KIAA1614: variants seen among roughly 807,000 people sequenced by gnomAD.
KIAA1614 encodes uncharacterized protein KIAA1614.
In KIAA1614, 76 loss-of-function variants were observed where a neutral mutation model predicts 88.7. The observed-to-expected ratio is 0.86, with a 90% CI of 0.71 to 1.04. KIAA1614 has a LOEUF of 1.04. KIAA1614 is among the 50% of genes least tolerant of loss of function. The pLI is 0.00. For missense variants in KIAA1614, 1,553 were observed against 1,582.5 expected, an observed-to-expected ratio of 0.98 and a Z score of 0.32; for synonymous variants, 714 against 675.5, an observed-to-expected ratio of 1.06 and a Z score of -0.88.
intron 1 of KIAA1614, 36 bp from the exon 2 acceptor site, chr1:180,916,118 C>T: frequency 1.3e-6 from 2 of 1,500,160 alleles, no homozygotes; most frequent in Non-Finnish European, 1.8e-6. Flanking sequence ...TAGTCCTGTG[C>T]TGGGTCTTAG....
In KIAA1614 at chr1:180,935,706, C is replaced by T. The variant is rs766197445; in HGVS notation, c.1797C>T (p.Ile599=). ...TGGAATGGATCCGGGAAACACACAT[C>T]GGAGACACCGTGTGCCCTGCGGAGG... ...LHMEWIRETH[I]GDTVCPAEVD... The change falls in exon 5 of 9, where the codon ATC becomes ATT. Residue 599 remains isoleucine (I), a synonymous_variant. Coordinates refer to ENST00000367588, the MANE Select transcript of KIAA1614 (RefSeq NM_020950.2). The surrounding 1 kb of genome is among the most constrained non-coding windows in gnomAD (Gnocchi z 6.1). 1.1e-5 allele frequency: 18 copies of T among 1,613,588 alleles called. 2 individuals carry two copies. In the South Asian group the frequency reaches 1.4e-4, roughly 13 times the overall value.
Position 180,941,189 on chromosome 1 carries a change from G to A in KIAA1614, c.3063G>A (p.Leu1021=), listed in dbSNP as rs1435249575. 1 of 1,613,720 alleles carries A rather than the reference G, an allele frequency of 6.2e-7. No individual in the cohort carries two copies. The highest frequency in any genetic ancestry group is 1.7e-5 in the Admixed American group (1 of 59,990). ...TGGGCCAGAGTTCCCGGCCCAAGCTGGGCAAGTCCCGCAGCTACAGTGTGG... is the reference window on the plus strand; with the variant it reads ...TGGGCCAGAGTTCCCGGCCCAAGCTAGGCAAGTCCCGCAGCTACAGTGTGG... ...SALGQSSRPK[L]GKSRSYSVEQ... The change falls in exon 7 of 9, where the codon CTG becomes CTA. Residue 1021 remains leucine, a synonymous_variant. Coordinates refer to ENST00000367588, the MANE Select transcript of KIAA1614 (RefSeq NM_020950.2).
At chr1:180,922,451 C>G (rs1275011429) in intron 3 of KIAA1614, among the ~76,000 whole-genome samples, 4 of 152,038 alleles carry the variant, frequency 2.6e-5, no homozygotes, top group African/African-American at 9.7e-5. Context: ...GAGGGCGGGT[C>G]CCGATCTTCA....
chr1:180,936,523 C>G lies in KIAA1614; in HGVS notation c.2614C>G (p.Pro872Ala), dbSNP rs369784342. 7 of 1,614,070 alleles carry G rather than the reference C, an allele frequency of 4.3e-6. No homozygotes were observed. The African/African-American group carries it at 8.0e-5, about 18-fold the overall frequency. The change falls in exon 5 of 9, where the codon CCA becomes GCA. Residue 872 changes from proline (P) to alanine (A), a missense_variant. Transcript: ENST00000367588. ...GCCCAGCCGCCCTCAGGTCAGGCAC[C>G]CACTGCTGGCCCTGTCCACCAACAA... ...TQPSRPQVRH[P>A]LLALSTNNCN...
chr1:180,931,037 C>T (rs1223690900), intron 4 of KIAA1614, among the ~76,000 whole-genome samples: 1 of 152,230 alleles, frequency 6.6e-6, no homozygotes, highest in Admixed American at 6.5e-5. Context: ...CTCAGAGGGC[C>T]TTCTTTATCC....
chr1:180,914,843 A>G (rs1291897432), intron 1 of KIAA1614, among the ~76,000 whole-genome samples: 1 of 152,152 alleles, frequency 6.6e-6, no homozygotes, highest in Non-Finnish European at 1.5e-5. Context: ...AGTTCAAGCA[A>G]TTACCTTGCC....
At chr1:180,921,313 T>A (rs1653948624) in intron 3 of KIAA1614, among the ~76,000 whole-genome samples, 1 of 152,324 alleles carries the variant, frequency 6.6e-6, no homozygotes, top group Non-Finnish European at 1.5e-5. Context: ...CCGGCCATTT[T>A]CACTTCTTTT....
At chr1:180,918,644 G>A (rs952536235) in intron 3 of KIAA1614, among the ~76,000 whole-genome samples, 3 of 152,172 alleles carry the variant, frequency 2.0e-5, no homozygotes, top group Non-Finnish European at 4.4e-5. Flanking sequence ...AGGTCCTGGA[G>A]CTCTCGTTTC....
In KIAA1614 at chr1:180,945,749, G is replaced by A. The variant is rs1654577359; in HGVS notation, c.*161G>A. The A allele has an allele frequency of 1.5e-6, 2 of 1,374,030 alleles. No individual in the cohort carries two copies. Among genetic ancestry groups the A allele is most frequent in the South Asian group, 1.8e-5 (1 of 54,506 alleles). The allele number at this position is 1,374,030 out of a possible 1,614,324, so 85.1% of individuals were successfully genotyped here. ...AGAGTGCGTTGGTGGGGAGTGTGCGGGAGGGGGTAGAGTTGGCAGGTTTGA... is the reference window on the plus strand; with the variant it reads ...AGAGTGCGTTGGTGGGGAGTGTGCGAGAGGGGGTAGAGTTGGCAGGTTTGA... On this transcript the variant is annotated 3_prime_UTR_variant, in exon 9 of 9. Coordinates refer to ENST00000367588, the MANE Select transcript of KIAA1614 (RefSeq NM_020950.2).
At chr1:180,919,450 T>G (rs529636756) in intron 3 of KIAA1614, among the ~76,000 whole-genome samples, 1 of 152,338 alleles carries the variant, frequency 6.6e-6, no homozygotes, top group East Asian at 1.9e-4. Context: ...TCTGCTCCCC[T>G]GTCTGCGCCC....
At position 180,935,955 on chromosome 1, in the gene KIAA1614, T is replaced by G; in HGVS notation, c.2046T>G (p.Asp682Glu). 1 of 1,613,928 alleles carries G rather than the reference T, an allele frequency of 6.2e-7. No homozygotes were observed. The highest frequency in any genetic ancestry group is 8.5e-7 in the Non-Finnish European group (1 of 1,179,884). ...AGCAACACCTGCCTAGGGCTGATGA[T>G]GTGGAGGTGGAAAATGAGGTGAAAG... Reference protein sequence around the residue: ...QAQQHLPRADDVEVENEVKEG... With the variant: ...QAQQHLPRADEVEVENEVKEG... The change falls in exon 5 of 9, where the codon GAT (aspartate) becomes GAG (glutamate). Residue 682 changes from aspartate to glutamate, a missense_variant. Asp to Glu is a conservative substitution (Grantham distance 45, BLOSUM62 2). Transcript: ENST00000367588. This position sits in a 1 kb window ranked among gnomAD's most constrained non-coding sequence, Gnocchi z 6.1.
At chr1:180,941,319 C>A in intron 7 of KIAA1614, 34 bp downstream of exon 7, 11 of 1,576,430 alleles carry the variant, frequency 7.0e-6, no homozygotes, top group Non-Finnish European at 9.5e-6. Context: ...GGGAGTGAAG[C>A]CAGTAGCGGT....
chr1:180,928,322 G>A (rs2102264233), intron 3 of KIAA1614, 108 bp from the exon 4 acceptor site: 3 of 1,286,584 alleles, frequency 2.3e-6, no homozygotes, highest in South Asian at 1.8e-5. Flanking sequence ...TGCACATGCA[G>A]GGCTTTTTCT....
Position 180,916,476 on chromosome 1 carries a change from A to T in KIAA1614, c.373A>T (p.Arg125Ter). 1 of 1,614,086 alleles carries T rather than the reference A, an allele frequency of 6.2e-7. No individual in the cohort carries two copies. The highest frequency in any genetic ancestry group is 8.5e-7 in the Non-Finnish European group (1 of 1,180,034). Residue 125 changes from arginine (R) to a stop codon, truncating the protein, a stop_gained, in exon 2 of 9, where the codon AGA becomes TGA. Coordinates refer to ENST00000367588, the MANE Select transcript of KIAA1614 (RefSeq NM_020950.2). LOFTEE classifies it high-confidence loss of function. Reference sequence around the variant, plus strand: ...CCAATGCAGACGAGGCAAGGCAGGGAGAGCCGGGACTCCATCAGAGGGGTC... The same window carrying T: ...CCAATGCAGACGAGGCAAGGCAGGGTGAGCCGGGACTCCATCAGAGGGGTC... ...KPQCRRGKAG[R>*]AGTPSEGSFL...
chr1:180,945,319 C>G lies in KIAA1614; in HGVS notation c.3304C>G (p.Pro1102Ala), dbSNP rs561885169. 2.1e-5 allele frequency: 33 copies of G among 1,585,174 alleles called. No individual in the cohort carries two copies. Among genetic ancestry groups the G allele is most frequent in the Middle Eastern group, 2.2e-4 (1 of 4,596 alleles). Residue 1102 changes from proline (P) to alanine (A), a missense_variant, in exon 9 of 9, where the codon CCA (proline) becomes GCA (alanine). Coordinates refer to ENST00000367588, the MANE Select transcript of KIAA1614 (RefSeq NM_020950.2). ...CCCTCGCAGGCCGGCCAAGACTTCA[C>G]CACGGCGTGCCCTCAGTGTGGAGGA... ...SAAGRPAKTS[P>A]RRALSVEDVG...
chr1:180,928,669 TCG>T, intron 4 of KIAA1614, 96 bp downstream of exon 4: 1 of 1,029,598 alleles, frequency 9.7e-7, no homozygotes, highest in Non-Finnish European at 1.4e-6. Context: ...CTGCTGCTGC[TCG>T]CTCCATGTGT....
chr1:180,925,971 C>T (rs1474263585), intron 3 of KIAA1614, among the ~76,000 whole-genome samples: 2 of 152,202 alleles, frequency 1.3e-5, no homozygotes, highest in African/African-American at 4.8e-5. Flanking sequence ...CTCCCCTCTC[C>T]AGCCCCCACT....
At position 180,936,203 on chromosome 1, in the gene KIAA1614, A is replaced by G. The variant is rs1456686933; in HGVS notation, c.2294A>G (p.Gln765Arg). 1.9e-6 allele frequency: 3 copies of G among 1,614,174 alleles called. No individual in the cohort carries two copies. The highest frequency in any genetic ancestry group is 2.5e-6 in the Non-Finnish European group (3 of 1,180,006). The change falls in exon 5 of 9, where the codon CAG (glutamine) becomes CGG (arginine). Residue 765 changes from glutamine (Q) to arginine (R), a missense_variant. Transcript: ENST00000367588. Reference sequence around the variant, plus strand: ...TCATCGGGGCCAGGAGGCCAGGCCCAGGTTACAGAAAGCCACGAGTCCCTG... The same window carrying G: ...TCATCGGGGCCAGGAGGCCAGGCCCGGGTTACAGAAAGCCACGAGTCCCTG... The part of the protein sequence containing the change: ...PESSGPGGQA[Q>R]VTESHESLEI...
At position 180,916,706 on chromosome 1, in the gene KIAA1614, G is replaced by A. The variant is rs74133667; in HGVS notation, c.603G>A (p.Pro201=). The A allele has an allele frequency of 1.0e-3, 1,687 of 1,612,440 alleles. 17 individuals carry two copies. The African/African-American group carries it at 0.02, about 19-fold the overall frequency. Residue 201 remains proline (P), a synonymous_variant, in exon 2 of 9, where the codon CCG becomes CCA. Transcript: ENST00000367588. ...EWTLPDHDRG[P]LLGPSSLQQS... ...CACTTCCTGACCATGACAGAGGTCC[G>A]CTGCTGGGGCCCAGCTCTTTGCAAC...
Sources: allele counts gnomAD v4.1 joint callset (sites outside exome capture counted in the v4.1 genomes callset), GRCh38; gene constraint gnomAD v4.1.1; non-coding constraint Gnocchi (gnomAD v3.1); transcripts MANE v1.5; gene names NCBI Gene and HGNC (gene_info 2026-07-23, HGNC 2026-07-21).